The following ST6GALNAC6 variants were observed in gnomAD, a reference collection of about 807,000 sequenced individuals.
ST6GALNAC6 encodes alpha-N-acetylgalactosaminide alpha-2,6-sialyltransferase 6.
A neutral mutation model predicts 34.3 loss-of-function variants in ST6GALNAC6; 19 were observed. The ratio of observed to expected loss-of-function variants is 0.55; its 90% CI spans 0.39 to 0.81. ST6GALNAC6 has a LOEUF of 0.81. Ranked by LOEUF, ST6GALNAC6 falls within the 40% of genes least tolerant of loss-of-function variation. The pLI, the probability that ST6GALNAC6 is intolerant of heterozygous loss-of-function variation, is 0.00. For missense variants in ST6GALNAC6, 377 were observed against 467.7 expected (o/e 0.81, Z 1.79); for synonymous variants, 185 against 182.1 (o/e 1.02, Z -0.13).
upstream of ST6GALNAC6, chr9:127,903,844 A>C (rs1196067558): frequency 6.6e-6 from 1 of 152,176 alleles, no homozygotes; most frequent in Non-Finnish European, 1.5e-5. Flanking sequence ...GGAGGGAAAC[A>C]TCCTGTCCCC....
rs765764486 is a variant in ST6GALNAC6, at chr9:127,894,588, C to T, written c.221G>A (p.Arg74Gln). 36 of 1,614,022 alleles carry T rather than the reference C, an allele frequency of 2.2e-5. No individual in the cohort carries two copies. The highest frequency in any genetic ancestry group is 5.3e-5 in the African/African-American group (4 of 74,906). Residue 74 changes from arginine (R) to glutamine (Q), a missense_variant, in exon 4 of 7, where the codon CGG becomes CAG. By Grantham distance (43) the Arg-to-Gln change is conservative. Transcript: ENST00000373146. The stretch of plus-strand genomic sequence containing the variant: ...GTTGACAGGTCGGCGGCTACGGCCC[C>T]GCAGGGAGCCGTAATGGAAGACCTC... ...ANEVFHYGSL[R>Q]GRSRRPVNLK...
At chr9:127,887,691 C>A in intron 5 of ST6GALNAC6, 100 bp from the exon 6 acceptor site, 1 of 935,450 alleles carries the variant, frequency 1.1e-6, no homozygotes, top group Non-Finnish European at 1.7e-6. Context: ...CTCCTCCCAT[C>A]CACTCATCAG....
chr9:127,886,844 G>GCC, intron 6 of ST6GALNAC6, 56 bp from the exon 7 acceptor site: 1 of 1,504,852 alleles, frequency 6.6e-7, no homozygotes, highest in Non-Finnish European at 8.9e-7. Context: ...CAGGGTCCTT[G>GCC]CCCTTTCAGC....
intron 5 of ST6GALNAC6, among the ~76,000 whole-genome samples, chr9:127,889,880 T>C (rs924974111): frequency 2.0e-5 from 3 of 152,244 alleles, no homozygotes; most frequent in Admixed American, 6.5e-5. Flanking sequence ...GTACAGGAGC[T>C]ATATGTTGAA....
chr9:127,896,934 G>A (rs1407204069), intron 2 of ST6GALNAC6: 1 of 985,124 alleles, frequency 1.0e-6, no homozygotes, highest in East Asian at 1.1e-4. Context: ...CAGGAATATC[G>A]CTGAATGAAT....
At chr9:127,899,745 T>G, upstream of ST6GALNAC6, 1 of 802,860 alleles carries the variant, frequency 1.2e-6, no homozygotes, top group Non-Finnish European at 1.5e-6. Flanking sequence ...CGGACCCGGG[T>G]GCCGCCGCCT....
upstream of ST6GALNAC6, chr9:127,904,532 C>T (rs1830863861): frequency 1.3e-5 from 2 of 152,320 alleles, no homozygotes. Flanking sequence ...AGAGACCCCT[C>T]ACCTGCCGCA....
chr9:127,898,481 T>C (rs1039811556), intron 1 of ST6GALNAC6, among the ~76,000 whole-genome samples: 8 of 151,766 alleles, frequency 5.3e-5, no homozygotes, highest in African/African-American at 1.9e-4. Context: ...CAGCTGTTAG[T>C]CTTGTGGTTA....
At chr9:127,898,091 G>T (rs745868726) in intron 1 of ST6GALNAC6, 81 bp from the exon 2 acceptor site, 14 of 782,864 alleles carry the variant, frequency 1.8e-5, no homozygotes, top group Non-Finnish European at 3.0e-5. Flanking sequence ...GGACACGCGG[G>T]GCTTGAAAGT....
chr9:127,901,008 A>C (rs971764524), upstream of ST6GALNAC6, among the ~76,000 whole-genome samples: 526 of 151,146 alleles, frequency 3.5e-3, 4 homozygotes, highest in Non-Finnish European at 6.0e-3. Context: ...AAAAAAAAAA[A>C]AAAAAAAAAA....
At chr9:127,896,475 A>G (rs1019333969) in intron 2 of ST6GALNAC6, 143 bp from the exon 3 acceptor site, 3 of 700,782 alleles carry the variant, frequency 4.3e-6, no homozygotes, top group Non-Finnish European at 6.9e-6. Flanking sequence ...GCAGACGGAG[A>G]CACTGAGGGC....
At chr9:127,902,348 A>G (rs1564496486), upstream of ST6GALNAC6, among the ~76,000 whole-genome samples, 1 of 151,468 alleles carries the variant, frequency 6.6e-6, no homozygotes, top group Non-Finnish European at 1.5e-5. Context: ...TTTAGTAGAG[A>G]TGGGGTTTTG....
intron 6 of ST6GALNAC6, among the ~76,000 whole-genome samples, chr9:127,886,997 T>TC (rs1408825442): frequency 6.6e-6 from 1 of 152,032 alleles, no homozygotes; most frequent in African/African-American, 2.4e-5. Flanking sequence ...TGGCACTTTT[T>TC]CCTTTCCCTA....
At position 127,890,502 on chromosome 9, in the gene ST6GALNAC6, G is replaced by T; in HGVS notation, c.704+135C>A. On this transcript the variant is annotated intron_variant, in intron 5 of 6. Transcript: ENST00000373146. The surrounding 1 kb of genome is among the most constrained non-coding windows in gnomAD (Gnocchi z 4.3). Reference sequence around the variant, plus strand: ...GCTGGACATGAAGAGAACTCTCCTAGGAGGCCCAACCAGAGGACGGCGGGA... The same window carrying T: ...GCTGGACATGAAGAGAACTCTCCTATGAGGCCCAACCAGAGGACGGCGGGA... The T allele has an allele frequency of 7.9e-7, 1 of 1,272,680 alleles. No individual in the cohort carries two copies. Among genetic ancestry groups the T allele is most frequent in the Non-Finnish European group, 1.1e-6 (1 of 921,608 alleles). 78.8% of individuals were successfully genotyped at this position (1,272,680 alleles called of 1,614,324 possible).
In ST6GALNAC6 at chr9:127,886,472, T is replaced by C. The variant is rs1829758884; in HGVS notation, c.*127A>G. 6.8e-7 allele frequency: 1 copy of C among 1,472,082 alleles called. No individual in the cohort carries two copies. Among genetic ancestry groups the C allele is most frequent in the African/African-American group, 1.4e-5 (1 of 70,586 alleles). The allele number at this position is 1,472,082 out of a possible 1,614,324, so 91.2% of individuals were successfully genotyped here. On this transcript the variant is annotated 3_prime_UTR_variant, in exon 7 of 7. Coordinates refer to ENST00000373146, the MANE Select transcript of ST6GALNAC6 (RefSeq NM_013443.5). ...TGATTGGCTGGAGGATACATCCTCCTCAAGGCCCTGATTGGCTGGGAGACA... is the reference window on the plus strand; with the variant it reads ...TGATTGGCTGGAGGATACATCCTCCCCAAGGCCCTGATTGGCTGGGAGACA...
chr9:127,903,366 G>A (rs1488527185), upstream of ST6GALNAC6: 1 of 152,170 alleles, frequency 6.6e-6, no homozygotes, highest in Non-Finnish European at 1.5e-5. Context: ...TGTCTGGAAG[G>A]ACCCACAAGG....
At chr9:127,906,610 G>A (rs1830921109), upstream of ST6GALNAC6, among the ~76,000 whole-genome samples, 1 of 152,192 alleles carries the variant, frequency 6.6e-6, no homozygotes, top group Non-Finnish European at 1.5e-5. Context: ...CCTCCTCTGA[G>A]GATGGCAAGG....
chr9:127,895,920 C>T (rs995838546), intron 3 of ST6GALNAC6, among the ~76,000 whole-genome samples: 9 of 152,306 alleles, frequency 5.9e-5, no homozygotes, highest in Non-Finnish European at 5.9e-5. Context: ...CCCCATTTCC[C>T]GCTCACCTCC....
Position 127,899,550 on chromosome 9 carries a change from A to G in ST6GALNAC6, c.-77T>C. 4.1e-6 allele frequency: 4 copies of G among 980,166 alleles called. No individual in the cohort carries two copies. Among genetic ancestry groups the G allele is most frequent in the Non-Finnish European group, 4.8e-6 (4 of 827,798 alleles). The allele number at this position is 980,166 out of a possible 1,614,324, so 60.7% of individuals were successfully genotyped here. On this transcript the variant is annotated 5_prime_UTR_variant, in exon 1 of 7. It removes an upstream start codon present in the reference 5' UTR. Transcript: ENST00000373146. The stretch of plus-strand genomic sequence containing the variant: ...CCCCGCGGCCCCCGAGCCCCCTCAC[A>G]TGGCGCCGGGAGCCGAGCGCCGGGG...
Sources: allele counts gnomAD v4.1 joint callset (sites outside exome capture counted in the v4.1 genomes callset), GRCh38; gene constraint gnomAD v4.1.1; non-coding constraint Gnocchi (gnomAD v3.1); transcripts MANE v1.5; gene names NCBI Gene and HGNC (gene_info 2026-07-23, HGNC 2026-07-21).